Variants in FCHO2 observed in about 807,000 individuals in gnomAD.
The protein encoded by FCHO2 is F-BAR domain only protein 2.
Under a neutral mutation model 114.1 loss-of-function variants are expected in FCHO2, and 43 were observed. That is an observed-to-expected ratio of 0.38 (90% CI 0.30 to 0.49). FCHO2 has a LOEUF of 0.49. FCHO2 is among the 20% of genes least tolerant of loss of function. FCHO2 has a pLI of 0.97. For synonymous variants in FCHO2, 293 were observed against 315.2 expected (o/e 0.93, Z 0.75); for missense variants, 807 against 950.4 (o/e 0.85, Z 1.98).
intron 20 of FCHO2, 132 bp downstream of exon 20, chr5:73,074,985 C>T (rs1742842339): frequency 2.9e-6 from 2 of 698,388 alleles, no homozygotes; most frequent in South Asian, 4.5e-5. Flanking sequence ...TGTTTATTTA[C>T]CTGCTTTTTT....
chr5:72,988,461 G>A (rs1753651348), intron 2 of FCHO2, among the ~76,000 whole-genome samples: 1 of 151,992 alleles, frequency 6.6e-6, no homozygotes, highest in Admixed American at 6.6e-5. Context: ...CATACAAAAT[G>A]TGTATTCTGT....
intron 13 of FCHO2, among the ~76,000 whole-genome samples, chr5:73,053,122 A>C (rs544089522): frequency 6.6e-6 from 1 of 152,330 alleles, no homozygotes; most frequent in African/African-American, 2.4e-5. Flanking sequence ...GGATAAGTTA[A>C]GTATATCTAT....
At chr5:73,068,617 T>C in intron 18 of FCHO2, 33 bp from the exon 19 acceptor site, 1 of 1,604,460 alleles carries the variant, frequency 6.2e-7, no homozygotes, top group Non-Finnish European at 8.5e-7. Flanking sequence ...GGTATTGTTT[T>C]AGCATTTTGA....
At chr5:73,043,503 CACTT>C (rs1339114343) in intron 11 of FCHO2, among the ~76,000 whole-genome samples, 1 of 152,040 alleles carries the variant, frequency 6.6e-6, no homozygotes, top group Non-Finnish European at 1.5e-5. Context: ...CATGCAGACA[CACTT>C]GATCAAGATT....
intron 9 of FCHO2, 87 bp downstream of exon 9, chr5:73,034,788 C>G: frequency 9.2e-7 from 1 of 1,085,808 alleles, no homozygotes; most frequent in Non-Finnish European, 1.3e-6. Context: ...GGACTGCTAT[C>G]CCTAGGTGTC....
intron 6 of FCHO2, among the ~76,000 whole-genome samples, chr5:73,010,571 A>G (rs988043838): frequency 6.6e-6 from 1 of 152,200 alleles, no homozygotes; most frequent in East Asian, 1.9e-4. Flanking sequence ...CATTGTGTGA[A>G]CATCATAGAA....
Position 73,078,163 on chromosome 5 carries a change from AT to A in FCHO2, c.1848-11del, listed in dbSNP as rs1561496792. The A allele has an allele frequency of 6.8e-7, 1 of 1,465,126 alleles. No homozygotes were observed. Among genetic ancestry groups the A allele is most frequent in the East Asian group, 2.5e-5 (1 of 39,292 alleles). 90.8% of individuals were successfully genotyped at this position (1,465,126 alleles called of 1,614,324 possible). A position where few individuals can be genotyped will look rare whatever the true frequency, so the allele number is the denominator to read the frequency against. On this transcript the variant is annotated splice_polypyrimidine_tract_variant and intron_variant, in intron 21 of 25. Coordinates refer to ENST00000430046, the MANE Select transcript of FCHO2 (RefSeq NM_138782.3). The stretch of plus-strand genomic sequence containing the variant: ...GATAAGTCAATAAAATAACAAATAT[AT>A]TTTTTATATATGTAGTGATCCATCA...
chr5:73,076,912 GT>G (rs1198779136), intron 20 of FCHO2, among the ~76,000 whole-genome samples: 1 of 152,104 alleles, frequency 6.6e-6, no homozygotes, highest in African/African-American at 2.4e-5. Context: ...AGAATAGAGG[GT>G]TGGAAGAAGC....
At chr5:72,971,684 G>A (rs904950305) in intron 2 of FCHO2, among the ~76,000 whole-genome samples, 1 of 152,160 alleles carries the variant, frequency 6.6e-6, no homozygotes, top group African/African-American at 2.4e-5. Flanking sequence ...TTCTTTTGCT[G>A]TGCAGAAGCT....
chr5:73,087,952 T>C (rs1743367530), intron 25 of FCHO2, 116 bp from the exon 26 acceptor site: 19 of 1,448,786 alleles, frequency 1.3e-5, no homozygotes, highest in Admixed American at 1.9e-5. Flanking sequence ...TATCTGATTC[T>C]AATGTACTGT....
intron 18 of FCHO2, among the ~76,000 whole-genome samples, chr5:73,064,444 G>C (rs759202622): frequency 2.0e-5 from 3 of 152,026 alleles, no homozygotes; most frequent in Non-Finnish European, 2.9e-5. Context: ...ATCAGATAGA[G>C]AAAATCTATA....
chr5:73,017,446 G>A, intron 8 of FCHO2, 138 bp downstream of exon 8: 1 of 490,420 alleles, frequency 2.0e-6, no homozygotes, highest in Non-Finnish European at 3.5e-6. Context: ...TTTCCAAACT[G>A]TGAAATGGAG....
chr5:73,016,413 G>T lies in FCHO2; in HGVS notation c.699+689G>T, dbSNP rs796576. ...TTTAAATTGTTTAAATATTAAAAAA[G>T]ATTTTAAATTGTTTAAATATTAAAA... On this transcript the variant is annotated intron_variant, in intron 7 of 25. Coordinates refer to ENST00000430046, the MANE Select transcript of FCHO2 (RefSeq NM_138782.3). Among the ~76,000 whole-genome samples, 509 of 110,662 alleles carry T rather than the reference G, an allele frequency of 4.6e-3. 1 individual carries two copies. The highest frequency in any genetic ancestry group is 0.018 in the African/African-American group (464 of 25,560). 72.6% of individuals were successfully genotyped at this position (110,662 alleles called of 152,430 possible). A position where few individuals can be genotyped will look rare whatever the true frequency, so the allele number is the denominator to read the frequency against.
chr5:72,988,793 T>C (rs563426850), intron 2 of FCHO2, among the ~76,000 whole-genome samples: 1 of 152,294 alleles, frequency 6.6e-6, no homozygotes, highest in South Asian at 2.1e-4. Context: ...TAAATACAAA[T>C]GACACACTTA....
At chr5:72,956,254 G>A (rs1214902948) in intron 1 of FCHO2, 125 bp downstream of exon 1, 3 of 1,313,618 alleles carry the variant, frequency 2.3e-6, no homozygotes, top group Admixed American at 5.2e-5. Context: ...CTCCTGCCGC[G>A]TCCCGCCTGG....
chr5:73,038,328 A>G (rs961784795), intron 10 of FCHO2, among the ~76,000 whole-genome samples: 1 of 152,202 alleles, frequency 6.6e-6, no homozygotes, highest in African/African-American at 2.4e-5. Context: ...TTCCTAATGT[A>G]TACCTGGGGT....
chr5:73,020,779 C>A (rs1003327990), intron 8 of FCHO2: 4 of 982,348 alleles, frequency 4.1e-6, no homozygotes, highest in Non-Finnish European at 6.6e-6. Context: ...AGATATGGCA[C>A]TGTCCCCATC....
At chr5:72,959,076 A>T (rs1442704297) in intron 1 of FCHO2, among the ~76,000 whole-genome samples, 1 of 152,246 alleles carries the variant, frequency 6.6e-6, no homozygotes, top group African/African-American at 2.4e-5. Context: ...TTTTGCCTTC[A>T]CTTTCACTAT....
At chr5:73,006,132 CT>C (rs2112714452) in intron 5 of FCHO2, among the ~76,000 whole-genome samples, 1 of 152,240 alleles carries the variant, frequency 6.6e-6, no homozygotes, top group African/African-American at 2.4e-5. Flanking sequence ...GTTAACATAT[CT>C]TAGTAACACT....
Sources: gnomAD v4.1 joint callset for allele counts (sites outside exome capture counted in the v4.1 genomes callset) on GRCh38, gnomAD v4.1.1 for gene constraint, MANE v1.5 for transcripts, NCBI Gene and HGNC (gene_info 2026-07-23, HGNC 2026-07-21) for gene names.